The following PCDH9 variants were observed in gnomAD, a reference collection of about 807,000 sequenced individuals.
The protein encoded by PCDH9 is protocadherin-9.
A neutral mutation model predicts 70.6 loss-of-function variants in PCDH9; 24 were observed. That is an observed-to-expected ratio of 0.34 (90% CI 0.25 to 0.48). The LOEUF (loss-of-function observed/expected upper bound fraction) is 0.48. Among genes scored for constraint, PCDH9 ranks in the 20% least tolerant of loss-of-function variants. The pLI is 0.99. For missense variants in PCDH9, 1,281 were observed against 1,503.6 expected, an observed-to-expected ratio of 0.85 and a Z score of 2.45; for synonymous variants, 562 against 558.5, an observed-to-expected ratio of 1.01 and a Z score of -0.09.
At chr13:66,653,973 T>TAAAAA (rs59143528) in intron 3 of PCDH9, among the ~76,000 whole-genome samples, 6,774 of 128,386 alleles carry the variant, frequency 0.053, 617 homozygotes, top group African/African-American at 0.17. Flanking sequence ...GTCTCAAAAT[T>TAAAAA]AAAAAAAAAA....
chr13:66,619,595 A>G (rs2077398449), intron 4 of PCDH9, among the ~76,000 whole-genome samples: 1 of 152,162 alleles, frequency 6.6e-6, no homozygotes, highest in South Asian at 2.1e-4. Context: ...AATAATGATA[A>G]TTAAATGTAG....
intron 4 of PCDH9, among the ~76,000 whole-genome samples, chr13:66,319,391 G>GA (rs1955711446): frequency 6.6e-6 from 1 of 152,076 alleles, no homozygotes; most frequent in African/African-American, 2.4e-5. Context: ...CGCAATGGCA[G>GA]ATGAATTTGA....
At chr13:67,158,142 G>T (rs1295746362) in intron 2 of PCDH9, among the ~76,000 whole-genome samples, 1 of 152,114 alleles carries the variant, frequency 6.6e-6, no homozygotes, top group Non-Finnish European at 1.5e-5. Flanking sequence ...TCACTAGACT[G>T]TCTAATATTC....
At chr13:67,134,764 C>G (rs1017536518) in intron 2 of PCDH9, among the ~76,000 whole-genome samples, 9 of 152,136 alleles carry the variant, frequency 5.9e-5, no homozygotes, top group Non-Finnish European at 1.3e-4. Context: ...AAATACACTC[C>G]AGAAGCTTTT....
At chr13:67,090,541 C>T (rs766047536) in intron 2 of PCDH9, among the ~76,000 whole-genome samples, 2 of 151,480 alleles carry the variant, frequency 1.3e-5, no homozygotes, top group Non-Finnish European at 2.9e-5. Context: ...ACTGTTATAA[C>T]TTAGAAATTG....
chr13:66,554,367 T>A, intron 4 of PCDH9, among the ~76,000 whole-genome samples: 1 of 152,102 alleles, frequency 6.6e-6, no homozygotes, highest in East Asian at 1.9e-4. Flanking sequence ...TAAAATAAAA[T>A]CTTTTCCCAA....
At chr13:67,188,565 C>T (rs554512437) in intron 2 of PCDH9, among the ~76,000 whole-genome samples, 9 of 151,920 alleles carry the variant, frequency 5.9e-5, no homozygotes, top group African/African-American at 2.2e-4. Flanking sequence ...AAAACATGTA[C>T]ATGTCCTTTT....
In PCDH9 at chr13:66,351,788, T is replaced by TA. The variant is rs1956295532; in HGVS notation, c.3341-46761dup. Among the ~76,000 whole-genome samples the TA allele has an allele frequency of 2.0e-5, 3 of 151,780 alleles. No homozygotes were observed. In the South Asian group the frequency reaches 6.2e-4, roughly 32 times the overall value. On this transcript the variant is annotated intron_variant, in intron 4 of 4. Transcript: ENST00000377865. ...ATTGCAAATCATCCGTATAACAATA[T>TA]AAAAAAATAAACCAACTTCACCTTA...
At chr13:66,822,494 A>AT (rs57689980) in intron 3 of PCDH9, among the ~76,000 whole-genome samples, 16,761 of 118,148 alleles carry the variant, frequency 0.14, 1,815 homozygotes, top group East Asian at 0.29. Flanking sequence ...ATGTCCTGGA[A>AT]TTTTTTTTTT....
intron 4 of PCDH9, among the ~76,000 whole-genome samples, chr13:66,551,186 C>A (rs766205388): frequency 6.6e-6 from 1 of 152,012 alleles, no homozygotes; most frequent in East Asian, 1.9e-4. Flanking sequence ...TGATGTGTAA[C>A]CTCCCTAAAA....
At chr13:66,898,845 G>A (rs892213909) in intron 3 of PCDH9, among the ~76,000 whole-genome samples, 1 of 151,932 alleles carries the variant, frequency 6.6e-6, no homozygotes, top group African/African-American at 2.4e-5. Context: ...TCTAGGCTGT[G>A]TAACAAACTG....
chr13:67,186,451 A>T (rs188574516), intron 2 of PCDH9, among the ~76,000 whole-genome samples: 68 of 152,312 alleles, frequency 4.5e-4, no homozygotes, highest in Non-Finnish European at 7.6e-4. Flanking sequence ...TCACCTGGAA[A>T]TCTTGTTAAA....
At chr13:66,778,571 A>C (rs2079939104) in intron 3 of PCDH9, among the ~76,000 whole-genome samples, 1 of 152,246 alleles carries the variant, frequency 6.6e-6, no homozygotes, top group African/African-American at 2.4e-5. Flanking sequence ...ATAGTGAAGA[A>C]GTAATTGCGA....
rs549525857 is a variant in PCDH9, at chr13:66,925,794, A to G, written c.3037-22189T>C. ...TAAAATACTTTCCTAAGAATTTTCA[A>G]TGATACTTTGTAAAGTGAATTTTTG... is the stretch of plus-strand genomic sequence containing the variant. On this transcript the variant is annotated intron_variant, in intron 2 of 4. Coordinates refer to ENST00000377865, the MANE Select transcript of PCDH9 (RefSeq NM_203487.3). Among the ~76,000 whole-genome samples the G allele has an allele frequency of 6.6e-5, 10 of 152,160 alleles. No homozygotes were observed. In the East Asian group the frequency reaches 1.2e-3, roughly 18 times the overall value.
chr13:67,204,989 T>A (rs1483760623), intron 2 of PCDH9: 1 of 152,192 alleles, frequency 6.6e-6, no homozygotes, highest in Non-Finnish European at 1.5e-5. Flanking sequence ...TAATTAAATA[T>A]GAGTTCCATT....
chr13:66,354,503 T>C (rs1956346632), intron 4 of PCDH9, among the ~76,000 whole-genome samples: 1 of 152,126 alleles, frequency 6.6e-6, no homozygotes, highest in Non-Finnish European at 1.5e-5. Context: ...TTGCAAAGCT[T>C]TTCCTTAGGA....
intron 4 of PCDH9, among the ~76,000 whole-genome samples, chr13:66,325,421 T>TG (rs1235758313): frequency 2.6e-5 from 4 of 151,920 alleles, no homozygotes; most frequent in Non-Finnish European, 5.9e-5. Context: ...TCCTATGAGA[T>TG]GGGGGGAGAA....
intron 2 of PCDH9, among the ~76,000 whole-genome samples, chr13:67,153,830 A>T (rs1284653279): frequency 1.3e-5 from 2 of 152,244 alleles, no homozygotes; most frequent in African/African-American, 4.8e-5. Context: ...GCACTGATGA[A>T]AAATGTAGTT....
At chr13:66,815,647 A>C (rs1280360856) in intron 3 of PCDH9, among the ~76,000 whole-genome samples, 2 of 152,188 alleles carry the variant, frequency 1.3e-5, no homozygotes, top group Admixed American at 1.3e-4. Context: ...ATCCTAAGTG[A>C]ACTAACATAG....
Sources: gnomAD v4.1 joint callset for allele counts (sites outside exome capture counted in the v4.1 genomes callset) on GRCh38, gnomAD v4.1.1 for gene constraint, MANE v1.5 for transcripts, NCBI Gene and HGNC (gene_info 2026-07-23, HGNC 2026-07-21) for gene names.